The following MRE11 variants were observed in gnomAD, a reference collection of about 807,000 sequenced individuals.
MRE11 encodes double-strand break repair protein MRE11.
MRE11 carries 62 observed loss-of-function variants against 91.7 expected under a neutral mutation model. That is an observed-to-expected ratio of 0.68 (90% CI 0.55 to 0.84). The LOEUF (loss-of-function observed/expected upper bound fraction) is 0.84, where lower values mean the gene tolerates loss of function less well. MRE11 is among the 40% of genes least tolerant of loss of function. MRE11 has a pLI of 0.00. For synonymous variants in MRE11, 273 were observed against 271.4 expected, an observed-to-expected ratio of 1.01 and a Z score of -0.06; for missense variants, 796 against 852.9, an observed-to-expected ratio of 0.93 and a Z score of 0.83.
intron 16 of MRE11, among the ~76,000 whole-genome samples, chr11:94,441,894 T>C (rs1053895903): frequency 3.4e-5 from 5 of 148,752 alleles, no homozygotes; most frequent in African/African-American, 1.3e-4. Flanking sequence ...GGAAAATTGT[T>C]TGAACCCCGG....
At chr11:94,441,963 G>A (rs1333122804) in intron 16 of MRE11, among the ~76,000 whole-genome samples, 1 of 120,918 alleles carries the variant, frequency 8.3e-6, no homozygotes, top group Admixed American at 1.0e-4. Flanking sequence ...AGGCGACAGA[G>A]AGAGACTCTG....
In MRE11 at chr11:94,425,983, T is replaced by C. The variant is rs531235490; in HGVS notation, c.2070+3928A>G. On this transcript the variant is annotated intron_variant, in intron 19 of 19. Transcript: ENST00000323929. The stretch of plus-strand genomic sequence containing the variant: ...TTGACACTTGACCAATCAGACCTAA[T>C]TGAAAGCTACAAAATACTTCATCCA... Among the ~76,000 whole-genome samples, 10 of 152,300 alleles carry C rather than the reference T, an allele frequency of 6.6e-5. No homozygotes were observed. The South Asian group carries it at 2.1e-3, about 32-fold the overall frequency.
intron 3 of MRE11, among the ~76,000 whole-genome samples, chr11:94,486,390 G>T (rs574719072): frequency 7.2e-5 from 11 of 152,240 alleles, no homozygotes; most frequent in East Asian, 1.9e-4. Context: ...TTAACAGAAC[G>T]TATGGGAAGA....
intron 11 of MRE11, 90 bp from the exon 12 acceptor site, chr11:94,461,126 G>T: frequency 8.7e-7 from 1 of 1,144,730 alleles, no homozygotes. Flanking sequence ...AGAAGGTAAG[G>T]CCAAACTTTA....
At chr11:94,442,572 G>C (rs939114230) in intron 16 of MRE11, among the ~76,000 whole-genome samples, 15 of 152,192 alleles carry the variant, frequency 9.9e-5, no homozygotes, top group African/African-American at 2.9e-4. Flanking sequence ...TCTGTCGATT[G>C]CATGCTAACC....
chr11:94,436,620 A>G (rs555152228), intron 17 of MRE11, among the ~76,000 whole-genome samples: 49 of 152,332 alleles, frequency 3.2e-4, no homozygotes, highest in Admixed American at 1.4e-3. Context: ...AGGGAAGAGT[A>G]TTGGCTCGGG....
At position 94,459,639 on chromosome 11, in the gene MRE11, T is replaced by C; in HGVS notation, c.1327-58A>G. The C allele has an allele frequency of 3.9e-6, 6 of 1,553,632 alleles. No individual in the cohort carries two copies. In the African/African-American group the frequency reaches 5.4e-5, roughly 14 times the overall value. ...GTTTTTATTCCTTACAAAATAATTA[T>C]AGATGAGCAAGGAAAATTACCAAAT... On this transcript the variant is annotated intron_variant, in intron 12 of 19. Coordinates refer to ENST00000323929, the MANE Select transcript of MRE11 (RefSeq NM_005591.4).
At chr11:94,511,688 A>C in the MRE11 span, among the ~76,000 whole-genome samples, 1 of 152,260 alleles carries the variant, frequency 6.6e-6, no homozygotes, top group Non-Finnish European at 1.5e-5. Context: ...GAGGTCTCCT[A>C]TATTTGGTTG....
chr11:94,475,682 A>G (rs1946833998), intron 7 of MRE11: 1 of 454,622 alleles, frequency 2.2e-6, no homozygotes, highest in South Asian at 1.6e-5. Flanking sequence ...CTATATTTGT[A>G]TATCCTGGAA....
At chr11:94,420,416 A>G (rs1365766807) in intron 19 of MRE11, among the ~76,000 whole-genome samples, 1 of 152,252 alleles carries the variant, frequency 6.6e-6, no homozygotes, top group Non-Finnish European at 1.5e-5. Flanking sequence ...AACCACACAC[A>G]TTTCCCTTAC....
chr11:94,457,513 T>C (rs755737062), intron 13 of MRE11, among the ~76,000 whole-genome samples: 37 of 151,484 alleles, frequency 2.4e-4, no homozygotes, highest in Non-Finnish European at 4.7e-4. Context: ...AATACAAGAA[T>C]AACAATATTT....
intron 3 of MRE11, among the ~76,000 whole-genome samples, chr11:94,490,527 C>T (rs756810259): frequency 2.7e-4 from 41 of 152,198 alleles, no homozygotes; most frequent in African/African-American, 6.3e-4. Context: ...TTTTCTTCTA[C>T]GTTATCTGAA....
intron 16 of MRE11, among the ~76,000 whole-genome samples, chr11:94,438,109 C>A (rs1356758196): frequency 2.0e-5 from 3 of 152,100 alleles, no homozygotes; most frequent in African/African-American, 7.2e-5. Context: ...GCCTGGGCAA[C>A]AGAGCGAAAC....
chr11:94,459,147 T>C (rs1329934404), intron 13 of MRE11, among the ~76,000 whole-genome samples: 9 of 152,204 alleles, frequency 5.9e-5, no homozygotes, highest in African/African-American at 2.2e-4. Flanking sequence ...AGGTTCACTT[T>C]AAAGCCCTTT....
chr11:94,449,453 C>T (rs1247205538), intron 14 of MRE11, among the ~76,000 whole-genome samples: 1 of 152,218 alleles, frequency 6.6e-6, no homozygotes, highest in Non-Finnish European at 1.5e-5. Flanking sequence ...TAAAAATCAA[C>T]ACTCACGATA....
At position 94,479,704 on chromosome 11, in the gene MRE11, A is replaced by C; in HGVS notation, c.372T>G (p.Ser124Arg). The change falls in exon 5 of 20, where the codon AGT becomes AGG. Residue 124 changes from serine (S) to arginine (R), a missense_variant. Ser to Arg is a moderately radical substitution (Grantham distance 110). Transcript: ENST00000323929. ...GNLNISIPVFSIHGNHDDPTG... is the reference protein window; with the variant it reads ...GNLNISIPVFRIHGNHDDPTG... Reference sequence around the variant, plus strand: ...TGGGATCGTCATGATTGCCATGAATACTAAACACTGGAATTGAAATGTTGA... The same window carrying C: ...TGGGATCGTCATGATTGCCATGAATCCTAAACACTGGAATTGAAATGTTGA... The C allele has an allele frequency of 6.2e-7, 1 of 1,613,224 alleles. No homozygotes were observed. Among genetic ancestry groups the C allele is most frequent in the Non-Finnish European group, 8.5e-7 (1 of 1,179,692 alleles).
At chr11:94,432,733 G>C (rs1945497877) in intron 18 of MRE11, among the ~76,000 whole-genome samples, 1 of 152,220 alleles carries the variant, frequency 6.6e-6, no homozygotes, top group Non-Finnish European at 1.5e-5. Context: ...GTGAACCCAG[G>C]AGGCGGAGCT....
rs1945020839 is a variant in MRE11, at chr11:94,415,775, A to G, written c.*4350T>C. 1 of 152,220 alleles carries G rather than the reference A, an allele frequency of 6.6e-6. No homozygotes were observed. Among genetic ancestry groups the G allele is most frequent in the African/African-American group, 2.4e-5 (1 of 41,450 alleles). 9.4% of individuals were successfully genotyped at this position (152,220 alleles called of 1,614,324 possible). On this transcript the variant is annotated 3_prime_UTR_variant, in exon 20 of 20. Coordinates refer to ENST00000323929, the MANE Select transcript of MRE11 (RefSeq NM_005591.4). ...GAACATATACTTTGAAAAGGGGGCT[A>G]AAACATGTAGCTATACAATCTGGGG...
Position 94,445,837 on chromosome 11 carries a change from C to T in MRE11, c.1840G>A (p.Ala614Thr), listed in dbSNP as rs747646574. 1 of 1,613,020 alleles carries T rather than the reference C, an allele frequency of 6.2e-7. No homozygotes were observed. The highest frequency in any genetic ancestry group is 1.7e-5 in the Admixed American group (1 of 60,016). Residue 614 changes from alanine (A) to threonine (T), a missense_variant, in exon 16 of 20, where the codon GCA becomes ACA. By Grantham distance (58) the Ala-to-Thr change is moderately conservative. Transcript: ENST00000323929. ...TCTATAATAGACATATTTCTAGATG[C>T]TGACACAGCAGTCTTTGAGTTCCTG... ...RSRNSKTAVS[A>T]SRNMSIIDAF...
Sources: gnomAD v4.1 joint callset for allele counts (sites outside exome capture counted in the v4.1 genomes callset) on GRCh38, gnomAD v4.1.1 for gene constraint, MANE v1.5 for transcripts, NCBI Gene and HGNC (gene_info 2026-07-23, HGNC 2026-07-21) for gene names.